The following KCNIP4 variants were observed in gnomAD, a reference collection of about 807,000 sequenced individuals.
The protein encoded by KCNIP4 is potassium voltage-gated channel interacting protein 4, also known as Kv channel-interacting protein 4.
Under a neutral mutation model 34.0 loss-of-function variants are expected in KCNIP4, and 12 were observed. That is an observed-to-expected ratio of 0.35 (90% CI 0.23 to 0.57). KCNIP4 has a LOEUF of 0.57. Ranked by LOEUF, KCNIP4 falls within the 20% of genes least tolerant of loss-of-function variation. KCNIP4 has a pLI of 0.83. For synonymous variants in KCNIP4, 124 were observed against 102.2 expected, an observed-to-expected ratio of 1.21 and a Z score of -1.29; for missense variants, 238 against 311.7, an observed-to-expected ratio of 0.76 and a Z score of 1.78.
intron 1 of KCNIP4, among the ~76,000 whole-genome samples, chr4:20,923,857 A>G (rs563433123): frequency 6.6e-6 from 1 of 152,094 alleles, no homozygotes; most frequent in South Asian, 2.1e-4. Context: ...CATTGCATTA[A>G]AATTTTTTTT....
Position 21,716,635 on chromosome 4 carries a change from T to C in KCNIP4, c.61+231936A>G, listed in dbSNP as rs140120046. Among the ~76,000 whole-genome samples, 61 of 152,256 alleles carry C rather than the reference T, an allele frequency of 4.0e-4. 1 individual carries two copies. In the East Asian group the frequency reaches 0.01, roughly 25 times the overall value. On this transcript the variant is annotated intron_variant, in intron 1 of 8. Transcript: ENST00000382152. ...TGGGTAAAGTTAGAAAGCTTAATTA[T>C]AAGATGGTCTGATGGACATGTTTAC...
At chr4:21,795,906 C>T (rs963764096) in intron 1 of KCNIP4, among the ~76,000 whole-genome samples, 2 of 152,062 alleles carry the variant, frequency 1.3e-5, no homozygotes, top group African/African-American at 2.4e-5. Context: ...CCTGTCTCTA[C>T]TAAAAATGCA....
intron 1 of KCNIP4, among the ~76,000 whole-genome samples, chr4:21,656,287 T>C (rs1054029328): frequency 6.6e-6 from 1 of 152,126 alleles, no homozygotes; most frequent in African/African-American, 2.4e-5. Context: ...CTCCTTTTTA[T>C]CAGGACAACA....
In KCNIP4 at chr4:20,891,426, G is replaced by A. The variant is rs574816697; in HGVS notation, c.62-8717C>T. On this transcript the variant is annotated intron_variant, in intron 1 of 8. Transcript: ENST00000382152. ...TCGAGACCATCCTGGCCAACATGGT[G>A]AAACTCCATCTCTACTAAAAATACA... Among the ~76,000 whole-genome samples, 11 of 152,194 alleles carry A rather than the reference G, an allele frequency of 7.2e-5. No individual in the cohort carries two copies. In the South Asian group the frequency reaches 1.0e-3, roughly 14 times the overall value.
rs373824926 is a variant in KCNIP4 at position 20,974,712 on chromosome 4, A to C, written c.62-92003T>G. Among the ~76,000 whole-genome samples, 32 of 152,308 alleles carry C rather than the reference A, an allele frequency of 2.1e-4. No individual in the cohort carries two copies. In the South Asian group the frequency reaches 2.9e-3, roughly 14 times the overall value. On this transcript the variant is annotated intron_variant, in intron 1 of 8. Coordinates refer to ENST00000382152, the MANE Select transcript of KCNIP4 (RefSeq NM_025221.6). ...TCCCTCTAAAATCTACATAGACGTG[A>C]GGCCCAGGCAATTTACTAAACTAAT...
chr4:21,935,896 A>C (rs186023360), intron 1 of KCNIP4, among the ~76,000 whole-genome samples: 1 of 151,946 alleles, frequency 6.6e-6, no homozygotes, highest in Non-Finnish European at 1.5e-5. Context: ...AACTTAACAT[A>C]GATTTGAGTA....
intron 1 of KCNIP4, among the ~76,000 whole-genome samples, chr4:21,716,611 G>A (rs1315048891): frequency 2.6e-5 from 4 of 152,094 alleles, no homozygotes; most frequent in African/African-American, 7.2e-5. Context: ...AGGAGTTACT[G>A]GGTAAAGTTA....
At chr4:21,834,724 T>C (rs954207735) in intron 1 of KCNIP4, among the ~76,000 whole-genome samples, 5 of 151,758 alleles carry the variant, frequency 3.3e-5, no homozygotes, top group African/African-American at 9.7e-5. Flanking sequence ...ATATTGGCTG[T>C]GGGTTTGTCA....
chr4:21,178,328 T>G (rs1754580808), intron 1 of KCNIP4, among the ~76,000 whole-genome samples: 1 of 152,188 alleles, frequency 6.6e-6, no homozygotes, highest in Admixed American at 6.5e-5. Flanking sequence ...ACATAAACAT[T>G]GGTTGGAACG....
intron 1 of KCNIP4, among the ~76,000 whole-genome samples, chr4:21,212,930 C>T (rs1757324001): frequency 7.8e-6 from 1 of 127,854 alleles, no homozygotes; most frequent in Admixed American, 8.0e-5. Context: ...AGCACATAAA[C>T]AAATATACAG....
At chr4:21,812,630 C>CA (rs1371935571) in intron 1 of KCNIP4, among the ~76,000 whole-genome samples, 1 of 152,166 alleles carries the variant, frequency 6.6e-6, no homozygotes, top group Non-Finnish European at 1.5e-5. Context: ...ACTCAAATTG[C>CA]AAAAAATAAG....
At chr4:20,763,213 A>G (rs2149365832) in intron 3 of KCNIP4, among the ~76,000 whole-genome samples, 2 of 152,342 alleles carry the variant, frequency 1.3e-5, no homozygotes, top group Middle Eastern at 6.8e-3. Context: ...ATGAGCATTT[A>G]CTTTGAATGC....
At chr4:21,762,988 G>A (rs974893884) in intron 1 of KCNIP4, 2 of 1,288,862 alleles carry the variant, frequency 1.6e-6, no homozygotes, top group Non-Finnish European at 2.0e-6. Context: ...AAGTCTTCTT[G>A]TCAAGGACAG....
chr4:20,949,153 T>C (rs986904807), intron 1 of KCNIP4, among the ~76,000 whole-genome samples: 2 of 152,232 alleles, frequency 1.3e-5, no homozygotes, highest in Non-Finnish European at 2.9e-5. Context: ...TAACAGCGAC[T>C]GCTCGCATGA....
rs1439130091 is a variant in KCNIP4 at position 21,215,055 on chromosome 4, A to T, written c.62-332346T>A. On this transcript the variant is annotated intron_variant, in intron 1 of 8. Coordinates refer to ENST00000382152, the MANE Select transcript of KCNIP4 (RefSeq NM_025221.6). ...CTGAATCGTAACAGCACTTAATCTT[A>T]TAGGTACATATTGACAGCCAATTTA... Among the ~76,000 whole-genome samples the T allele has an allele frequency of 2.0e-5, 3 of 152,108 alleles. No individual in the cohort carries two copies. In the East Asian group the frequency reaches 5.9e-4, roughly 30 times the overall value.
intron 1 of KCNIP4, among the ~76,000 whole-genome samples, chr4:21,476,240 A>ATCTG (rs1443739069): frequency 6.6e-6 from 1 of 152,194 alleles, no homozygotes; most frequent in Non-Finnish European, 1.5e-5. Flanking sequence ...CTATCTATCT[A>ATCTG]TCTATTGAGT....
chr4:21,075,400 C>T (rs1339254947), intron 1 of KCNIP4, among the ~76,000 whole-genome samples: 2 of 152,104 alleles, frequency 1.3e-5, no homozygotes, highest in Non-Finnish European at 2.9e-5. Context: ...TAATGGCCTT[C>T]TTTGTCTCTT....
At chr4:21,803,858 G>A (rs766511754) in intron 1 of KCNIP4, among the ~76,000 whole-genome samples, 3 of 152,148 alleles carry the variant, frequency 2.0e-5, no homozygotes, top group Non-Finnish European at 4.4e-5. Context: ...AGCTCCATGA[G>A]AACTGAGACA....
chr4:21,422,665 G>A (rs1334686223), intron 1 of KCNIP4, among the ~76,000 whole-genome samples: 3 of 150,890 alleles, frequency 2.0e-5, no homozygotes, highest in African/African-American at 2.4e-5. Context: ...GTGTTTGTGT[G>A]TGTGTGTGTG....
Sources: allele counts gnomAD v4.1 joint callset (sites outside exome capture counted in the v4.1 genomes callset), GRCh38; gene constraint gnomAD v4.1.1; transcripts MANE v1.5; gene names NCBI Gene and HGNC (gene_info 2026-07-23, HGNC 2026-07-21).